The following UBE2E2 variants were observed in gnomAD, a reference collection of about 807,000 sequenced individuals.
UBE2E2 encodes the protein ubiquitin-conjugating enzyme E2 E2.
Under a neutral mutation model 24.7 loss-of-function variants are expected in UBE2E2, and 6 were observed. That is an observed-to-expected ratio of 0.24 (90% CI 0.13 to 0.48). The LOEUF is 0.48. Among genes scored for constraint, UBE2E2 ranks in the 20% least tolerant of loss-of-function variants. The pLI is 0.99. For missense variants in UBE2E2, 169 were observed against 245.0 expected, an observed-to-expected ratio of 0.69 and a Z score of 2.07; for synonymous variants, 104 against 83.6, an observed-to-expected ratio of 1.24 and a Z score of -1.33.
chr3:23,345,714 AT>A (rs993985613), intron 3 of UBE2E2, among the ~76,000 whole-genome samples: 29 of 152,318 alleles, frequency 1.9e-4, no homozygotes, highest in Middle Eastern at 3.4e-3. Flanking sequence ...AGATAAATTG[AT>A]TTTTTTAATG....
At chr3:23,398,406 C>T (rs1428112321) in intron 3 of UBE2E2, among the ~76,000 whole-genome samples, 2 of 151,612 alleles carry the variant, frequency 1.3e-5, no homozygotes, top group Admixed American at 1.3e-4. Flanking sequence ...TGTCTAATCT[C>T]ATCATCTTGG....
At chr3:23,252,551 C>T (rs910769039) in intron 3 of UBE2E2, among the ~76,000 whole-genome samples, 9 of 152,098 alleles carry the variant, frequency 5.9e-5, no homozygotes, top group African/African-American at 2.2e-4. Context: ...GGCTGGAGTG[C>T]AGTAGCACGA....
At chr3:23,279,000 T>C (rs538576230) in intron 3 of UBE2E2, among the ~76,000 whole-genome samples, 1 of 152,266 alleles carries the variant, frequency 6.6e-6, no homozygotes, top group East Asian at 1.9e-4. Context: ...TCTTTACTGT[T>C]CTTAGAATTT....
At chr3:23,355,543 G>A (rs1263845984) in intron 3 of UBE2E2, among the ~76,000 whole-genome samples, 5 of 152,150 alleles carry the variant, frequency 3.3e-5, no homozygotes, top group Admixed American at 3.3e-4. Flanking sequence ...AAATGACACG[G>A]TTGATTTTTT....
chr3:23,489,555 T>C (rs115351989), intron 3 of UBE2E2, among the ~76,000 whole-genome samples: 133 of 152,334 alleles, frequency 8.7e-4, no homozygotes, highest in African/African-American at 2.9e-3. Flanking sequence ...TCTTACTGTT[T>C]CCATGGTATA....
intron 3 of UBE2E2, among the ~76,000 whole-genome samples, chr3:23,413,396 T>A (rs983604541): frequency 2.0e-5 from 3 of 152,072 alleles, no homozygotes; most frequent in African/African-American, 7.2e-5. Flanking sequence ...AGGGGAGAGA[T>A]TGAAAGTATT....
chr3:23,567,438 G>A (rs1696104201), intron 5 of UBE2E2, among the ~76,000 whole-genome samples: 1 of 152,168 alleles, frequency 6.6e-6, no homozygotes, highest in African/African-American at 2.4e-5. Context: ...CTAAATGTAA[G>A]AATCTTTATA....
At chr3:23,456,274 A>G (rs955982524) in intron 3 of UBE2E2, among the ~76,000 whole-genome samples, 3 of 152,190 alleles carry the variant, frequency 2.0e-5, no homozygotes, top group South Asian at 4.1e-4. Context: ...CAAATCATCC[A>G]TGAGAGTTGG....
At chr3:23,552,524 C>T (rs1305309316) in intron 5 of UBE2E2, among the ~76,000 whole-genome samples, 11 of 152,218 alleles carry the variant, frequency 7.2e-5, no homozygotes, top group Admixed American at 2.6e-4. Context: ...TAAACAAGGA[C>T]AGTCACCAAG....
chr3:23,369,099 A>G (rs1418590706), intron 3 of UBE2E2, among the ~76,000 whole-genome samples: 1 of 152,208 alleles, frequency 6.6e-6, no homozygotes, highest in Non-Finnish European at 1.5e-5. Flanking sequence ...ATTTTCAGTT[A>G]TTTGAAAGTT....
intron 3 of UBE2E2, among the ~76,000 whole-genome samples, chr3:23,263,529 T>A (rs1697958247): frequency 6.6e-6 from 1 of 152,224 alleles, no homozygotes; most frequent in Non-Finnish European, 1.5e-5. Context: ...AACATGATAA[T>A]AGCATCATGT....
intron 3 of UBE2E2, among the ~76,000 whole-genome samples, chr3:23,219,938 C>A (rs1419231842): frequency 3.3e-5 from 5 of 152,032 alleles, no homozygotes; most frequent in Admixed American, 3.3e-4. Flanking sequence ...TAACAGACAA[C>A]CCAATACTGT....
At chr3:23,352,184 A>C (rs1043215149) in intron 3 of UBE2E2, among the ~76,000 whole-genome samples, 3 of 152,234 alleles carry the variant, frequency 2.0e-5, no homozygotes, top group Middle Eastern at 6.8e-3. Context: ...TTTGAAACCA[A>C]CGAGAACAAA....
At chr3:23,414,997 A>G (rs887519472) in intron 3 of UBE2E2, among the ~76,000 whole-genome samples, 7 of 152,238 alleles carry the variant, frequency 4.6e-5, no homozygotes, top group Non-Finnish European at 4.4e-5. Flanking sequence ...AGAACAAGAC[A>G]TGAAGACTTT....
At chr3:23,444,380 G>A (rs1698379064) in intron 3 of UBE2E2, among the ~76,000 whole-genome samples, 2 of 152,126 alleles carry the variant, frequency 1.3e-5, no homozygotes, top group African/African-American at 4.8e-5. Flanking sequence ...GGAATTCAAA[G>A]TATCCCAGCA....
Position 23,448,870 on chromosome 3 carries a change from T to C in UBE2E2, c.228-50738T>C, listed in dbSNP as rs190894363. ...AGGCAGATCCAGGATCTCTGGTACC[T>C]GGTGGGAAAAATAATGTCACAAATT... On this transcript the variant is annotated intron_variant, in intron 3 of 5. Coordinates refer to ENST00000396703, the MANE Select transcript of UBE2E2 (RefSeq NM_152653.4). Among the ~76,000 whole-genome samples, 8 of 152,334 alleles carry C rather than the reference T, an allele frequency of 5.3e-5. No individual in the cohort carries two copies. In the East Asian group the frequency reaches 1.5e-3, roughly 29 times the overall value.
intron 3 of UBE2E2, among the ~76,000 whole-genome samples, chr3:23,379,917 A>G (rs141530794): frequency 2.6e-5 from 4 of 152,172 alleles, no homozygotes; most frequent in African/African-American, 9.6e-5. Context: ...AATGAAGGGA[A>G]GAGAAGTGAG....
At chr3:23,512,817 C>T (rs555175938) in intron 4 of UBE2E2, among the ~76,000 whole-genome samples, 98 of 152,134 alleles carry the variant, frequency 6.4e-4, no homozygotes, top group Non-Finnish European at 1.0e-3. Context: ...TGGTGGCGCA[C>T]GCTTGTAATT....
intron 3 of UBE2E2, among the ~76,000 whole-genome samples, chr3:23,295,459 CAATT>C (rs1241942128): frequency 2.6e-5 from 4 of 152,144 alleles, no homozygotes; most frequent in African/African-American, 4.8e-5. Flanking sequence ...GGTGGGTACA[CAATT>C]AATAAGAGAA....
Sources: allele counts gnomAD v4.1 joint callset (sites outside exome capture counted in the v4.1 genomes callset), GRCh38; gene constraint gnomAD v4.1.1; transcripts MANE v1.5; gene names NCBI Gene and HGNC (gene_info 2026-07-23, HGNC 2026-07-21).